SIGLEC1: variants seen among roughly 807,000 people sequenced by gnomAD.
SIGLEC1 encodes sialic acid binding Ig like lectin 1.
In SIGLEC1, 132 loss-of-function variants were observed where a neutral mutation model predicts 148.0. The ratio of observed to expected loss-of-function variants is 0.89; its 90% CI spans 0.77 to 1.03. SIGLEC1 has a LOEUF of 1.03. Ranked by LOEUF, SIGLEC1 falls within the 50% of genes least tolerant of loss-of-function variation. SIGLEC1 has a pLI of 0.00. For missense variants in SIGLEC1, 2,253 were observed against 2,271.4 expected, an observed-to-expected ratio of 0.99 and a Z score of 0.16; for synonymous variants, 945 against 969.0, an observed-to-expected ratio of 0.98 and a Z score of 0.46.
At position 3,689,140 on chromosome 20, in the gene SIGLEC1, G is replaced by A. The variant is rs758303566; in HGVS notation, c.5070+15C>T. On this transcript the variant is annotated intron_variant, in intron 21 of 21. Coordinates refer to ENST00000344754, the MANE Select transcript of SIGLEC1 (RefSeq NM_023068.4). ...AGCTGGGTATTATATCTGCCCGTGT[G>A]TGTTGAATGGATACCTGCGTGGTCT... The A allele has an allele frequency of 1.2e-6, 2 of 1,608,308 alleles. No individual in the cohort carries two copies. The highest frequency in any genetic ancestry group is 1.1e-5 in the South Asian group (1 of 90,954).
intron 11 of SIGLEC1, among the ~76,000 whole-genome samples, chr20:3,696,129 T>TATATATATACACACACAC (rs11087599): frequency 4.9e-5 from 7 of 142,516 alleles, no homozygotes; most frequent in African/African-American, 1.9e-4. Flanking sequence ...ACTATATATA[T>TATATATATACACACACAC]ACACACACAC....
Position 3,697,355 on chromosome 20 carries a change from C to T in SIGLEC1, c.2123-13G>A, listed in dbSNP as rs368377137. ...GCCAGGACAGTGGCTGGAGAGCAGG[C>T]GGCACAGCTTACTGACCACCCCCGG... On this transcript the variant is annotated splice_polypyrimidine_tract_variant and intron_variant, in intron 9 of 21. Transcript: ENST00000344754. 1.1e-4 allele frequency: 173 copies of T among 1,612,156 alleles called. 1 individual carries two copies. Among genetic ancestry groups the T allele is most frequent in the East Asian group, 1.3e-4 (6 of 44,868 alleles).
rs752048806 is a variant in SIGLEC1, at chr20:3,693,044, G to A, written c.3596C>T (p.Pro1199Leu). 15 of 1,609,250 alleles carry A rather than the reference G, an allele frequency of 9.3e-6. No individual in the cohort carries two copies. Among genetic ancestry groups the A allele is most frequent in the South Asian group, 2.2e-5 (2 of 90,952 alleles). The change falls in exon 15 of 22, where the codon CCG (proline) becomes CTG (leucine). Residue 1199 changes from proline (P) to leucine (L), a missense_variant. By Grantham distance (98) the Pro-to-Leu change is moderately conservative (BLOSUM62 -3). Coordinates refer to ENST00000344754, the MANE Select transcript of SIGLEC1 (RefSeq NM_023068.4). ...GTGGCTGAGGGCCAGCTGGGCGGGC[G>A]GGCGGCTGTCCACAGTGCACAGTAC... ...ALVLCTVDSR[P>L]PAQLALSHAG...
chr20:3,702,657 G>A (rs2087861281), intron 6 of SIGLEC1, among the ~76,000 whole-genome samples: 1 of 151,966 alleles, frequency 6.6e-6, no homozygotes. Context: ...GGATATGTAA[G>A]AGAATGATCT....
At chr20:3,708,193 G>T (rs2087909232) in intron 1 of SIGLEC1, among the ~76,000 whole-genome samples, 1 of 152,092 alleles carries the variant, frequency 6.6e-6, no homozygotes, top group Non-Finnish European at 1.5e-5. Context: ...GAGCGCTGTG[G>T]AACACATACC....
chr20:3,700,028 G>A (rs1049779734), intron 7 of SIGLEC1, among the ~76,000 whole-genome samples: 25 of 146,446 alleles, frequency 1.7e-4, no homozygotes, highest in East Asian at 1.5e-3. Flanking sequence ...GGCAGATCTC[G>A]AACTCCCGAC....
intron 1 of SIGLEC1, among the ~76,000 whole-genome samples, 87 bp downstream of exon 1, chr20:3,712,383 C>A (rs1006987199): frequency 1.4e-5 from 2 of 144,820 alleles, no homozygotes; most frequent in African/African-American, 2.5e-5. Flanking sequence ...CCGACCCCTG[C>A]CCCTATCCCG....
intron 7 of SIGLEC1, among the ~76,000 whole-genome samples, chr20:3,699,704 T>C (rs550745932): frequency 6.6e-6 from 1 of 152,302 alleles, no homozygotes; most frequent in South Asian, 2.1e-4. Flanking sequence ...TGGCTGGGCA[T>C]GGTAGCTCAT....
At chr20:3,708,185 G>A (rs2087909126) in intron 1 of SIGLEC1, among the ~76,000 whole-genome samples, 1 of 152,144 alleles carries the variant, frequency 6.6e-6, no homozygotes, top group South Asian at 2.1e-4. Context: ...TAGCATGAGA[G>A]CGCTGTGGAA....
chr20:3,697,531 G>A (rs1319876601), intron 9 of SIGLEC1, among the ~76,000 whole-genome samples, 189 bp from the exon 10 acceptor site: 1 of 152,170 alleles, frequency 6.6e-6, no homozygotes, highest in Non-Finnish European at 1.5e-5. Flanking sequence ...CCTGGGCAGA[G>A]AGGGTTGCAG....
At position 3,694,315 on chromosome 20, in the gene SIGLEC1, G is replaced by C; in HGVS notation, c.3162C>G (p.Ile1054Met). 6.2e-7 allele frequency: 1 copy of C among 1,613,120 alleles called. No individual in the cohort carries two copies. The highest frequency in any genetic ancestry group is 1.1e-5 in the South Asian group (1 of 91,086). The change falls in exon 13 of 22, where the codon ATC becomes ATG. Residue 1054 changes from isoleucine to methionine, a missense_variant. By Grantham distance (10) the Ile-to-Met change is conservative. Coordinates refer to ENST00000344754, the MANE Select transcript of SIGLEC1 (RefSeq NM_023068.4). Reference sequence around the variant, plus strand: ...CCTCATCCTCCAGCATAGCCCCGTGGATCTCCAGACGCAGTGTGTTGGGGG... The same window carrying C: ...CCTCATCCTCCAGCATAGCCCCGTGCATCTCCAGACGCAGTGTGTTGGGGG... The part of the protein sequence containing the change: ...AVAPNTLRLE[I>M]HGAMLEDEGV...
Position 3,699,479 on chromosome 20 carries a change from C to G in SIGLEC1, c.1529-20G>C. 1.3e-6 allele frequency: 2 copies of G among 1,594,922 alleles called. No individual in the cohort carries two copies. The highest frequency in any genetic ancestry group is 8.5e-7 in the Non-Finnish European group (1 of 1,171,486). ...GGGCGGCTGCGGGGAGAGGAAGAGG[C>G]TGGGAAGGGTCCCTCCTCTCAACCC... is the stretch of plus-strand genomic sequence containing the variant. On this transcript the variant is annotated intron_variant, in intron 7 of 21. Coordinates refer to ENST00000344754, the MANE Select transcript of SIGLEC1 (RefSeq NM_023068.4).
At position 3,688,582 on chromosome 20, in the gene SIGLEC1, G is replaced by C; in HGVS notation, c.5108C>G (p.Thr1703Ser). ...DPDAATCETS[T>S]CAPPLG ...TGGTCAGCCCAGGGGTGGGGCACAG[G>C]TTGAGGTCTCACATGTGGCTGCATC... The change falls in exon 22 of 22, where the codon ACC becomes AGC. Residue 1703 changes from threonine to serine, a missense_variant. Thr to Ser is a moderately conservative substitution (Grantham distance 58). Transcript: ENST00000344754. 6.2e-7 allele frequency: 1 copy of C among 1,602,980 alleles called. No individual in the cohort carries two copies. The highest frequency in any genetic ancestry group is 2.2e-5 in the East Asian group (1 of 44,602).
At chr20:3,706,132 G>A (rs371251652) in intron 3 of SIGLEC1, 92 bp from the exon 4 acceptor site, 3 of 1,418,598 alleles carry the variant, frequency 2.1e-6, no homozygotes, top group Non-Finnish European at 1.9e-6. Flanking sequence ...GAGCCCTGGG[G>A]AGGGGGCTTT....
At chr20:3,688,808 C>T (rs2146516069) in intron 21 of SIGLEC1, 189 bp from the exon 22 acceptor site, 1 of 601,974 alleles carries the variant, frequency 1.7e-6, no homozygotes, top group East Asian at 2.8e-5. Context: ...GAGAAACTGA[C>T]TTTCACTTCT....
Position 3,697,865 on chromosome 20 carries a change from G to A in SIGLEC1, c.2055C>T (p.Gly685=). 1 of 1,613,124 alleles carries A rather than the reference G, an allele frequency of 6.2e-7. No individual in the cohort carries two copies. The highest frequency in any genetic ancestry group is 1.3e-5 in the African/African-American group (1 of 75,034). ...CATTGCTGGCCTCACAGAGGTACAA[G>A]CCCTCCTCTTCCAGCAAAGGGTTGT... ...EIHNPLLEEE[G]LYLCEASNAL... is the part of the protein sequence containing the mutation. Residue 685 remains glycine, a synonymous_variant, in exon 9 of 22, where the codon GGC becomes GGT. Coordinates refer to ENST00000344754, the MANE Select transcript of SIGLEC1 (RefSeq NM_023068.4).
chr20:3,691,490 A>G lies in SIGLEC1; in HGVS notation c.4441T>C (p.Trp1481Arg). The change falls in exon 18 of 22, where the codon TGG (tryptophan) becomes CGG (arginine). Residue 1481 changes from tryptophan (W) to arginine (R), a missense_variant. By Grantham distance (101) the Trp-to-Arg change is moderately radical. Transcript: ENST00000344754. ...TGCAGCCGCCGGTCATTCCAGAACC[A>G]TGCAAAGGTGGAGTTGCCCACAGGC... ...PGPVGNSTFA[W>R]FWNDRRLHAE... 6.2e-7 allele frequency: 1 copy of G among 1,613,444 alleles called. No homozygotes were observed.
chr20:3,693,379 G>A, intron 14 of SIGLEC1, 68 bp downstream of exon 14: 2 of 1,494,742 alleles, frequency 1.3e-6, no homozygotes, highest in Non-Finnish European at 1.8e-6. Flanking sequence ...TCGGGTTCCG[G>A]CCATGCCGTG....
rs6052023 is a variant in SIGLEC1, at chr20:3,708,589, G to T, written c.-109-1352C>A. On this transcript the variant is annotated intron_variant, in intron 1 of 21. Coordinates refer to ENST00000344754, the MANE Select transcript of SIGLEC1 (RefSeq NM_023068.4). ...AAGACGAGCCTGGGCAATACTGCAA[G>T]ACTCTGTCTCTACGAAAAATTAAAA... 5.8e-3 allele frequency among the ~76,000 whole-genome samples: 884 copies of T among 151,582 alleles called. 4 individuals are homozygous for T. Among genetic ancestry groups the T allele is most frequent in the African/African-American group, 0.02 (843 of 41,328 alleles).
Sources: gnomAD v4.1 joint callset for allele counts (sites outside exome capture counted in the v4.1 genomes callset) on GRCh38, gnomAD v4.1.1 for gene constraint, MANE v1.5 for transcripts, NCBI Gene and HGNC (gene_info 2026-07-23, HGNC 2026-07-21) for gene names.